Variants in VAV3 observed in about 807,000 individuals in gnomAD.
The protein encoded by VAV3 is guanine nucleotide exchange factor VAV3.
Under a neutral mutation model 131.2 loss-of-function variants are expected in VAV3, and 94 were observed. The observed-to-expected ratio is 0.72, with a 90% confidence interval of 0.61 to 0.85. The LOEUF (loss-of-function observed/expected upper bound fraction) is 0.85, where lower values mean the gene tolerates loss of function less well. Ranked by LOEUF, VAV3 falls within the 40% of genes least tolerant of loss-of-function variation. The pLI is 0.00. For missense variants in VAV3, 939 were observed against 1,002.7 expected (o/e 0.94, Z 0.86); for synonymous variants, 349 against 342.0 (o/e 1.02, Z -0.22).
rs5776895 is a variant in VAV3, at chr1:107,621,089, A to ATTT, written c.1915-3460_1915-3458dup. Among the ~76,000 whole-genome samples, 836 of 147,368 alleles carry ATTT rather than the reference A, an allele frequency of 5.7e-3. 5 individuals carry two copies. Among genetic ancestry groups the ATTT allele is most frequent in the South Asian group, 0.021 (98 of 4,636 alleles). ...ACACATGGTCATCATATCAAAACTC[A>ATTT]TTTTTTTTTTTTTACCTCTTTTAAA... On this transcript the variant is annotated intron_variant, in intron 20 of 26. Transcript: ENST00000370056.
At chr1:107,646,513 T>A (rs1655748547) in intron 19 of VAV3, among the ~76,000 whole-genome samples, 1 of 152,062 alleles carries the variant, frequency 6.6e-6, no homozygotes, top group African/African-American at 2.4e-5. Flanking sequence ...TTTTATATAA[T>A]CAATTATAAT....
At chr1:107,708,659 C>T (rs1319049739) in intron 15 of VAV3, among the ~76,000 whole-genome samples, 1 of 152,174 alleles carries the variant, frequency 6.6e-6, no homozygotes, top group Admixed American at 6.6e-5. Context: ...GCATTCCTAA[C>T]TGCTCCTCAG....
intron 12 of VAV3, among the ~76,000 whole-genome samples, chr1:107,751,654 T>C (rs1342312965): frequency 6.9e-6 from 1 of 145,572 alleles, no homozygotes; most frequent in East Asian, 2.2e-4. Context: ...ACAATTGCCA[T>C]GAAGGAGTAC....
chr1:107,962,736 G>A (rs1675159443), intron 1 of VAV3, among the ~76,000 whole-genome samples: 1 of 152,150 alleles, frequency 6.6e-6, no homozygotes, highest in African/African-American at 2.4e-5. Context: ...CATTACAGGA[G>A]AAACTGTACT....
intron 15 of VAV3, among the ~76,000 whole-genome samples, chr1:107,731,627 C>A (rs1662243820): frequency 6.6e-6 from 1 of 152,146 alleles, no homozygotes; most frequent in South Asian, 2.1e-4. Context: ...ATAGTAAAAT[C>A]TTCTTCATTA....
rs927967227 is a variant in VAV3, at chr1:107,866,757, A to C, written c.321+8144T>G. Among the ~76,000 whole-genome samples, 8 of 131,578 alleles carry C rather than the reference A, an allele frequency of 6.1e-5. No individual in the cohort carries two copies. The Admixed American group carries it at 6.4e-4, about 11-fold the overall frequency. 86.3% of individuals were successfully genotyped at this position (131,578 alleles called of 152,430 possible). On this transcript the variant is annotated intron_variant, in intron 2 of 26. Coordinates refer to ENST00000370056, the MANE Select transcript of VAV3 (RefSeq NM_006113.5). The stretch of plus-strand genomic sequence containing the variant: ...AGAATCACTTGAACCTGGAAGGTGG[A>C]GGCTGCATTGAGCCGAGATTGTGTC...
intron 17 of VAV3, among the ~76,000 whole-genome samples, chr1:107,692,682 C>T (rs138533817): frequency 2.6e-4 from 40 of 152,234 alleles, no homozygotes; most frequent in African/African-American, 9.6e-4. Flanking sequence ...CAGTTTTAAA[C>T]CACTAGGATA....
chr1:107,587,579 A>G (rs1383891316), intron 25 of VAV3, among the ~76,000 whole-genome samples: 1 of 152,174 alleles, frequency 6.6e-6, no homozygotes, highest in Non-Finnish European at 1.5e-5. Flanking sequence ...GTATGTATGT[A>G]TGCATGTATC....
chr1:107,647,771 A>G (rs1467248335), intron 19 of VAV3, among the ~76,000 whole-genome samples: 1 of 152,048 alleles, frequency 6.6e-6, no homozygotes, highest in Admixed American at 6.6e-5. Flanking sequence ...TTTGCTTTTG[A>G]GAAAATTACA....
intron 2 of VAV3, among the ~76,000 whole-genome samples, chr1:107,864,576 C>T (rs345323): frequency 0.95 from 145,007 of 152,286 alleles, 69,450 homozygotes; most frequent in East Asian, 1. Flanking sequence ...TGAGCCAAGA[C>T]TGCACCACTG....
chr1:107,925,879 T>C (rs1673127405), intron 1 of VAV3, among the ~76,000 whole-genome samples: 1 of 122,964 alleles, frequency 8.1e-6, no homozygotes, highest in African/African-American at 3.0e-5. Flanking sequence ...ATATGTCACA[T>C]ATAAATATAT....
At chr1:107,834,327 C>T (rs1273024254) in intron 2 of VAV3, among the ~76,000 whole-genome samples, 6 of 151,982 alleles carry the variant, frequency 3.9e-5, no homozygotes, top group African/African-American at 1.5e-4. Context: ...TAAATTAGCC[C>T]CCTTCAGGAT....
chr1:107,952,722 C>T (rs906025191), intron 1 of VAV3, among the ~76,000 whole-genome samples: 4 of 151,824 alleles, frequency 2.6e-5, no homozygotes, highest in African/African-American at 9.7e-5. Flanking sequence ...AAGTAAAACC[C>T]GTACTGTATA....
At chr1:107,820,357 G>A (rs1159666735) in intron 2 of VAV3, among the ~76,000 whole-genome samples, 1 of 152,106 alleles carries the variant, frequency 6.6e-6, no homozygotes, top group Non-Finnish European at 1.5e-5. Context: ...AATGAGCCAG[G>A]CACAGAAAGA....
At chr1:107,888,800 C>A (rs1671161810) in intron 1 of VAV3, among the ~76,000 whole-genome samples, 1 of 152,112 alleles carries the variant, frequency 6.6e-6, no homozygotes, top group Admixed American at 6.6e-5. Context: ...TCATATATAT[C>A]AGTCACTGTT....
intron 2 of VAV3, among the ~76,000 whole-genome samples, chr1:107,862,381 C>A (rs1426916612): frequency 6.6e-6 from 1 of 151,362 alleles, no homozygotes; most frequent in Non-Finnish European, 1.5e-5. Context: ...CACCAGCCTC[C>A]TTTATTCCTA....
chr1:107,941,379 T>C (rs1054590356), intron 1 of VAV3, among the ~76,000 whole-genome samples: 5 of 152,204 alleles, frequency 3.3e-5, no homozygotes, highest in Admixed American at 6.5e-5. Context: ...GGCTTTTTGC[T>C]GTGTAATTGC....
intron 2 of VAV3, among the ~76,000 whole-genome samples, chr1:107,800,651 C>T (rs1666785301): frequency 6.6e-6 from 1 of 152,060 alleles, no homozygotes; most frequent in Non-Finnish European, 1.5e-5. Flanking sequence ...GAGCATAGTA[C>T]CCATTTACCT....
intron 1 of VAV3, among the ~76,000 whole-genome samples, chr1:107,959,365 C>G (rs978424577): frequency 5.3e-5 from 8 of 152,112 alleles, no homozygotes; most frequent in African/African-American, 1.9e-4. Context: ...CAAAATTACT[C>G]CCTAAAGAGC....
Sources: allele counts gnomAD v4.1 joint callset (sites outside exome capture counted in the v4.1 genomes callset), GRCh38; gene constraint gnomAD v4.1.1; transcripts MANE v1.5; gene names NCBI Gene and HGNC (gene_info 2026-07-23, HGNC 2026-07-21).